The following PTPRB variants were observed in gnomAD, a reference collection of about 807,000 sequenced individuals.
PTPRB encodes protein tyrosine phosphatase receptor type B.
In PTPRB, 97 loss-of-function variants were observed where a neutral mutation model predicts 238.1. That is an observed-to-expected ratio of 0.41 (90% CI 0.35 to 0.48). PTPRB has a LOEUF of 0.48. PTPRB is among the 20% of genes least tolerant of loss of function. PTPRB has a pLI of 0.30. For missense variants in PTPRB, 2,292 were observed against 2,681.9 expected (o/e 0.85, Z 3.21); for synonymous variants, 970 against 995.4 (o/e 0.97, Z 0.48).
chr12:70,595,933 A>T, intron 5 of PTPRB, 116 bp downstream of exon 5: 1 of 1,006,812 alleles, frequency 9.9e-7, no homozygotes, highest in Non-Finnish European at 1.4e-6. Flanking sequence ...AAATTTAACT[A>T]ATTGCTAATT....
At chr12:70,618,253 C>G (rs1884766621) in intron 3 of PTPRB, among the ~76,000 whole-genome samples, 1 of 152,106 alleles carries the variant, frequency 6.6e-6, no homozygotes, top group Admixed American at 6.5e-5. Context: ...GCACGCACCA[C>G]CATATCTGGG....
At chr12:70,587,415 A>C in intron 8 of PTPRB, 148 bp from the exon 9 acceptor site, 1 of 1,005,614 alleles carries the variant, frequency 9.9e-7, no homozygotes, top group South Asian at 1.8e-5. Flanking sequence ...ACAAAATCTT[A>C]TCACAAAAAA....
rs1213312856 is a variant in PTPRB at position 70,635,805 on chromosome 12, T to C, written c.317A>G (p.Asn106Ser). The C allele has an allele frequency of 1.2e-6, 2 of 1,613,458 alleles. No homozygotes were observed. The highest frequency in any genetic ancestry group is 2.7e-5 in the African/African-American group (2 of 74,894). Residue 106 changes from asparagine to serine, a missense_variant, in exon 2 of 34, where the codon AAT (asparagine) becomes AGT (serine). Asn to Ser is a conservative substitution (Grantham distance 46). Transcript: ENST00000334414. The part of the protein sequence containing the change: ...YDQEGFLEVE[N>S]ASLFLQKQGS... ...TTGTTTCTGGAGAAAGAGAGAGGCA[T>C]TTTCCACCTCAAGGAAGCCTTCCTG...
rs1160889592 is a variant in PTPRB at position 70,518,195 on chromosome 12, G to A, written c.*3294C>T. 1 of 152,200 alleles carries A rather than the reference G, an allele frequency of 6.6e-6. No individual in the cohort carries two copies. The highest frequency in any genetic ancestry group is 1.5e-5 in the Non-Finnish European group (1 of 68,060). 9.4% of individuals were successfully genotyped at this position (152,200 alleles called of 1,614,324 possible). A position where few individuals can be genotyped will look rare whatever the true frequency, so the allele number is the denominator to read the frequency against. Reference sequence around the variant, plus strand: ...CTCTTGTAATCCTAGCACTTTGGGAGGTTGAGGTGGGTGGATCACCTAAGG... The same window carrying A: ...CTCTTGTAATCCTAGCACTTTGGGAAGTTGAGGTGGGTGGATCACCTAAGG... On this transcript the variant is annotated 3_prime_UTR_variant, in exon 34 of 34. Transcript: ENST00000334414.
intron 4 of PTPRB, among the ~76,000 whole-genome samples, chr12:70,607,704 T>A (rs1884074648): frequency 6.6e-6 from 1 of 151,826 alleles, no homozygotes; most frequent in Non-Finnish European, 1.5e-5. Flanking sequence ...ACCAGGCGAA[T>A]TTTTTATTTA....
Position 70,533,986 on chromosome 12 carries a change from G to T in PTPRB, c.6368+502C>A, listed in dbSNP as rs144702602. On this transcript the variant is annotated intron_variant, in intron 31 of 33. Coordinates refer to ENST00000334414, the MANE Select transcript of PTPRB (RefSeq NM_001109754.4). ...TAGCAGCACAAATAGACAAAGACAT[G>T]CTACTAGACCTGGAGGGAAGATTAG... Among the ~76,000 whole-genome samples, 108 of 152,326 alleles carry T rather than the reference G, an allele frequency of 7.1e-4. 1 individual carries two copies. In the Middle Eastern group the frequency reaches 0.014, roughly 19 times the overall value.
rs369374598 is a variant in PTPRB, at chr12:70,617,556, CCCA to C, written c.708+4831_708+4833del. 4.2e-3 allele frequency among the ~76,000 whole-genome samples: 640 copies of C among 152,286 alleles called. 5 individuals are homozygous for C. Among genetic ancestry groups the C allele is most frequent in the African/African-American group, 0.015 (619 of 41,562 alleles). On this transcript the variant is annotated intron_variant, in intron 3 of 33. Transcript: ENST00000334414. ...TTGCCTCAGTGAAGGGGAATTTTTT[CCCA>C]TCTTTAGTTCTGGCTACAGAACAGT...
chr12:70,543,000 C>T (rs1385527474), intron 22 of PTPRB: 1 of 151,542 alleles, frequency 6.6e-6, no homozygotes, highest in East Asian at 1.9e-4. Flanking sequence ...CTATTCAGCC[C>T]TTATCAGATA....
chr12:70,637,292 G>A (rs1453167309), intron 1 of PTPRB, 49 bp downstream of exon 1: 8 of 1,529,846 alleles, frequency 5.2e-6, no homozygotes, highest in Non-Finnish European at 7.2e-6. Flanking sequence ...GGGACTCCTT[G>A]GCTAGATCTT....
chr12:70,574,228 C>A (rs970903244), intron 11 of PTPRB, among the ~76,000 whole-genome samples: 15 of 152,268 alleles, frequency 9.9e-5, no homozygotes, highest in Middle Eastern at 3.4e-3. Flanking sequence ...ATGAAATGAT[C>A]CAGAAATTTC....
At chr12:70,531,777 ATCT>A (rs796914370) in intron 32 of PTPRB, among the ~76,000 whole-genome samples, 5 of 150,832 alleles carry the variant, frequency 3.3e-5, no homozygotes, top group Non-Finnish European at 7.4e-5. Flanking sequence ...AGAGATTGGG[ATCT>A]TCTTCTTTCC....
intron 15 of PTPRB, among the ~76,000 whole-genome samples, chr12:70,565,660 C>T (rs533138372): frequency 9.8e-4 from 149 of 152,272 alleles, no homozygotes; most frequent in Middle Eastern, 3.4e-3. Context: ...ATCTTTATGT[C>T]CCTGTCAACA....
In PTPRB at chr12:70,523,540, G is replaced by T. The variant is rs554696255; in HGVS notation, c.6625+931C>A. ...AATTTGAACTAGTTGTGATTTCAAA[G>T]AATCCTCCCCAAGTAGTAAAGCTTA... On this transcript the variant is annotated intron_variant, in intron 33 of 33. Coordinates refer to ENST00000334414, the MANE Select transcript of PTPRB (RefSeq NM_001109754.4). Among the ~76,000 whole-genome samples, 11 of 152,232 alleles carry T rather than the reference G, an allele frequency of 7.2e-5. No homozygotes were observed. In the South Asian group the frequency reaches 2.1e-3, roughly 29 times the overall value.
At position 70,594,728 on chromosome 12, in the gene PTPRB, G is replaced by A; in HGVS notation, c.1259-4C>T. On this transcript the variant is annotated splice_region_variant and splice_polypyrimidine_tract_variant and intron_variant, in intron 5 of 33. Transcript: ENST00000334414. ...ATATCTTTCACTGGAGATGGCACTA[G>A]TGGGATAAAATGCATGTCCAAATGT... is the stretch of plus-strand genomic sequence containing the variant. The A allele has an allele frequency of 1.2e-6, 2 of 1,613,758 alleles. No individual in the cohort carries two copies. The highest frequency in any genetic ancestry group is 1.7e-6 in the Non-Finnish European group (2 of 1,179,694).
chr12:70,532,393 G>C lies in PTPRB; in HGVS notation c.6369-223C>G, dbSNP rs540118038. Among the ~76,000 whole-genome samples, 7 of 131,188 alleles carry C rather than the reference G, an allele frequency of 5.3e-5. No individual in the cohort carries two copies. In the East Asian group the frequency reaches 1.7e-3, roughly 33 times the overall value. The allele number at this position is 131,188 out of a possible 152,430, so 86.1% of individuals were successfully genotyped here. A position where few individuals can be genotyped will look rare whatever the true frequency, so the allele number is the denominator to read the frequency against. On this transcript the variant is annotated intron_variant, in intron 31 of 33. Coordinates refer to ENST00000334414, the MANE Select transcript of PTPRB (RefSeq NM_001109754.4). Reference sequence around the variant, plus strand: ...TTCCTGTCCCTCCTCCACTCTACCAGGGATAAGTACTGCTCTGCACTTACT... The same window carrying C: ...TTCCTGTCCCTCCTCCACTCTACCACGGATAAGTACTGCTCTGCACTTACT...
At chr12:70,551,966 G>C (rs771687382) in intron 21 of PTPRB, among the ~76,000 whole-genome samples, 4 of 152,136 alleles carry the variant, frequency 2.6e-5, no homozygotes, top group Admixed American at 6.5e-5. Flanking sequence ...AAAAAAGGGT[G>C]TTCCCATTCA....
Position 70,538,342 on chromosome 12 carries a change from T to A in PTPRB, c.5870-111A>T, listed in dbSNP as rs573634436. The A allele has an allele frequency of 1.3e-5, 11 of 862,794 alleles. No individual in the cohort carries two copies. In the Admixed American group the frequency reaches 2.7e-4, roughly 21 times the overall value. The allele number at this position is 862,794 out of a possible 1,614,324, so 53.4% of individuals were successfully genotyped here. A position where few individuals can be genotyped will look rare whatever the true frequency, so the allele number is the denominator to read the frequency against. On this transcript the variant is annotated intron_variant, in intron 27 of 33. Transcript: ENST00000334414. Reference sequence around the variant, plus strand: ...CACAACAGCCACAGATGGGAAGTGATCTTATCTCCATTTTGCAGATGAGGC... The same window carrying A: ...CACAACAGCCACAGATGGGAAGTGAACTTATCTCCATTTTGCAGATGAGGC...
chr12:70,555,053 A>G lies in PTPRB; in HGVS notation c.5143+107T>C, dbSNP rs2278342. ...GAGAGGGGTGAATGATACAAAAATT[A>G]CATTTTCTACTTAAGTTTCTTAAAC... On this transcript the variant is annotated intron_variant, in intron 20 of 33. Coordinates refer to ENST00000334414, the MANE Select transcript of PTPRB (RefSeq NM_001109754.4). 1.2e-3 allele frequency: 1,628 copies of G among 1,326,202 alleles called. 2 individuals carry two copies. Among genetic ancestry groups the G allele is most frequent in the Non-Finnish European group, 1.5e-3 (1,405 of 966,998 alleles). The allele number at this position is 1,326,202 out of a possible 1,614,324, so 82.2% of individuals were successfully genotyped here.
chr12:70,620,642 C>T (rs1224037920), intron 3 of PTPRB, among the ~76,000 whole-genome samples: 2 of 152,084 alleles, frequency 1.3e-5, no homozygotes, highest in African/African-American at 4.8e-5. Context: ...CTCCAAGAAA[C>T]ATTCATTTTC....
Sources: allele counts gnomAD v4.1 joint callset (sites outside exome capture counted in the v4.1 genomes callset), GRCh38; gene constraint gnomAD v4.1.1; transcripts MANE v1.5; gene names NCBI Gene and HGNC (gene_info 2026-07-23, HGNC 2026-07-21).